The following DLG2 variants were observed in gnomAD, a reference collection of about 807,000 sequenced individuals.
DLG2 encodes disks large homolog 2.
In DLG2, 45 loss-of-function variants were observed where a neutral mutation model predicts 132.5. The ratio of observed to expected loss-of-function variants is 0.34; its 90% CI spans 0.27 to 0.44. DLG2 has a LOEUF of 0.44. Among genes scored for constraint, DLG2 ranks in the 20% least tolerant of loss-of-function variants. The pLI is 1.00. For missense variants in DLG2, 1,045 were observed against 1,196.9 expected, an observed-to-expected ratio of 0.87 and a Z score of 1.87; for synonymous variants, 424 against 419.6, an observed-to-expected ratio of 1.01 and a Z score of -0.13.
intron 6 of DLG2, among the ~76,000 whole-genome samples, chr11:84,725,844 T>C (rs931593827): frequency 4.9e-5 from 7 of 144,246 alleles, no homozygotes; most frequent in Admixed American, 2.0e-4. Flanking sequence ...ACTTGTCTGA[T>C]TTTTTTTTTA....
chr11:83,858,056 G>A (rs1370089149), intron 16 of DLG2, among the ~76,000 whole-genome samples: 3 of 152,232 alleles, frequency 2.0e-5, no homozygotes, highest in Admixed American at 1.3e-4. Flanking sequence ...CAGCACTGGG[G>A]ACCAAAAACA....
chr11:84,598,164 A>G lies in DLG2; in HGVS notation c.358-63433T>C, dbSNP rs537062978. Among the ~76,000 whole-genome samples the G allele has an allele frequency of 5.4e-4, 83 of 152,310 alleles. No individual in the cohort carries two copies. The South Asian group carries it at 0.015, about 27-fold the overall frequency. The stretch of plus-strand genomic sequence containing the variant: ...TTTTGCACTGGGCCTCACTGCCCCA[A>G]GAGAGATTATTTCATCCACTCTCAT... On this transcript the variant is annotated intron_variant, in intron 6 of 27. Coordinates refer to ENST00000376104, the MANE Select transcript of DLG2 (RefSeq NM_001142699.3).
At chr11:83,951,442 A>C (rs1369261878) in intron 14 of DLG2, among the ~76,000 whole-genome samples, 1 of 152,126 alleles carries the variant, frequency 6.6e-6, no homozygotes, top group Admixed American at 6.6e-5. Flanking sequence ...GAAAAATAAA[A>C]GGGAACACAG....
At chr11:83,934,030 T>C (rs2154133136) in intron 14 of DLG2, among the ~76,000 whole-genome samples, 1 of 152,362 alleles carries the variant, frequency 6.6e-6, no homozygotes, top group African/African-American at 2.4e-5. Context: ...TAGAGGTTCC[T>C]TGAGTCTAGA....
intron 8 of DLG2, among the ~76,000 whole-genome samples, chr11:84,200,936 A>G (rs1403678094): frequency 1.3e-5 from 2 of 152,004 alleles, no homozygotes; most frequent in Non-Finnish European, 2.9e-5. Flanking sequence ...AATACCTTTT[A>G]TTTCTTTCTC....
intron 7 of DLG2, among the ~76,000 whole-genome samples, chr11:84,484,850 T>C (rs1398403498): frequency 6.6e-6 from 1 of 152,176 alleles, no homozygotes; most frequent in African/African-American, 2.4e-5. Flanking sequence ...TTAACAGTAG[T>C]CACTGATGTT....
At chr11:85,038,081 T>G (rs2061562356) in intron 6 of DLG2, among the ~76,000 whole-genome samples, 2 of 151,972 alleles carry the variant, frequency 1.3e-5, no homozygotes, top group South Asian at 4.2e-4. Context: ...GTGTAGAGCC[T>G]GCATATGAAT....
intron 6 of DLG2, among the ~76,000 whole-genome samples, chr11:84,941,595 G>T (rs1271695485): frequency 6.6e-6 from 1 of 151,912 alleles, no homozygotes; most frequent in Non-Finnish European, 1.5e-5. Context: ...CACAACGAGT[G>T]ATCTTTTTAA....
intron 18 of DLG2, among the ~76,000 whole-genome samples, chr11:83,765,306 A>C (rs1004204514): frequency 3.9e-5 from 6 of 152,230 alleles, no homozygotes; most frequent in African/African-American, 7.2e-5. Flanking sequence ...AAATACTTTA[A>C]GAAATTACTG....
chr11:84,711,009 G>GATAT (rs367922564), intron 6 of DLG2, among the ~76,000 whole-genome samples: 3,876 of 88,944 alleles, frequency 0.044, 87 homozygotes, highest in African/African-American at 0.12. Flanking sequence ...TATATATATA[G>GATAT]ATATATATAT....
At chr11:83,951,466 T>A (rs375221755) in intron 14 of DLG2, among the ~76,000 whole-genome samples, 1 of 151,992 alleles carries the variant, frequency 6.6e-6, no homozygotes, top group African/African-American at 2.4e-5. Flanking sequence ...GAAAGGGTGA[T>A]CGTGGATGGC....
At chr11:83,612,570 G>A (rs35339692) in intron 19 of DLG2, among the ~76,000 whole-genome samples, 11,398 of 152,174 alleles carry the variant, frequency 0.075, 528 homozygotes, top group South Asian at 0.13. Context: ...ACAGTAGCAT[G>A]CCTCTCCTTT....
At chr11:84,825,514 C>T (rs567773015) in intron 6 of DLG2, among the ~76,000 whole-genome samples, 12 of 151,974 alleles carry the variant, frequency 7.9e-5, no homozygotes, top group Non-Finnish European at 1.6e-4. Flanking sequence ...TCAGGAATGC[C>T]GTAAGCTGTG....
intron 8 of DLG2, among the ~76,000 whole-genome samples, chr11:84,193,265 T>C (rs2154292606): frequency 6.6e-6 from 1 of 152,266 alleles, no homozygotes; most frequent in East Asian, 1.9e-4. Flanking sequence ...TAGATAGTGA[T>C]TCAGGGAGGC....
intron 7 of DLG2, among the ~76,000 whole-genome samples, chr11:84,305,376 T>C (rs1401728866): frequency 1.3e-5 from 2 of 152,204 alleles, no homozygotes; most frequent in Non-Finnish European, 2.9e-5. Flanking sequence ...CAATAAATTC[T>C]AGGTTAAAAA....
chr11:84,937,925 T>G (rs2048944569), intron 6 of DLG2, among the ~76,000 whole-genome samples: 1 of 152,126 alleles, frequency 6.6e-6, no homozygotes. Flanking sequence ...AGGAGGGGAC[T>G]TGGAGAGCAT....
intron 18 of DLG2, among the ~76,000 whole-genome samples, chr11:83,719,550 T>C (rs994415287): frequency 1.3e-5 from 2 of 152,158 alleles, no homozygotes; most frequent in Non-Finnish European, 2.9e-5. Context: ...TTAGCGGGCA[T>C]GTGCAGAAGT....
At chr11:83,761,070 C>G (rs917854399) in intron 18 of DLG2, among the ~76,000 whole-genome samples, 1 of 152,176 alleles carries the variant, frequency 6.6e-6, no homozygotes, top group African/African-American at 2.4e-5. Context: ...CTTCTTCACT[C>G]TGATCTGTGC....
chr11:84,475,758 G>A (rs1305677442), intron 7 of DLG2, among the ~76,000 whole-genome samples: 1 of 152,094 alleles, frequency 6.6e-6, no homozygotes, highest in African/African-American at 2.4e-5. Context: ...ATGCACTGGG[G>A]CACAATGTCT....
Sources: allele counts gnomAD v4.1 joint callset (sites outside exome capture counted in the v4.1 genomes callset), GRCh38; gene constraint gnomAD v4.1.1; transcripts MANE v1.5; gene names NCBI Gene and HGNC (gene_info 2026-07-23, HGNC 2026-07-21).